Variants in CSMD3 observed in about 807,000 individuals in gnomAD.
CSMD3 encodes CUB and sushi domain-containing protein 3.
Under a neutral mutation model 435.2 loss-of-function variants are expected in CSMD3, and 177 were observed. The ratio of observed to expected loss-of-function variants is 0.41; its 90% CI spans 0.36 to 0.46. The LOEUF is 0.46. Among genes scored for constraint, CSMD3 ranks in the 20% least tolerant of loss-of-function variants. CSMD3 has a pLI of 0.34. For missense variants in CSMD3, 4,265 were observed against 4,504.6 expected, an observed-to-expected ratio of 0.95 and a Z score of 1.52; for synonymous variants, 1,656 against 1,520.5, an observed-to-expected ratio of 1.09 and a Z score of -2.07.
At chr8:112,941,713 T>G (rs1315144334) in intron 9 of CSMD3, among the ~76,000 whole-genome samples, 1 of 151,772 alleles carries the variant, frequency 6.6e-6, no homozygotes, top group African/African-American at 2.4e-5. Context: ...AACATGTGTA[T>G]ATGTGGATAT....
intron 1 of CSMD3, among the ~76,000 whole-genome samples, chr8:113,366,919 A>G (rs752232582): frequency 6.6e-6 from 1 of 152,096 alleles, no homozygotes; most frequent in Non-Finnish European, 1.5e-5. Flanking sequence ...TCTTTTCTCT[A>G]TAGTATTTAA....
At chr8:112,752,389 C>A (rs1308911284) in intron 13 of CSMD3, among the ~76,000 whole-genome samples, 2 of 152,136 alleles carry the variant, frequency 1.3e-5, no homozygotes, top group Non-Finnish European at 2.9e-5. Context: ...GAACAACCCC[C>A]AAATTTTTGT....
At chr8:112,852,723 C>G (rs2080527827) in intron 11 of CSMD3, among the ~76,000 whole-genome samples, 1 of 151,968 alleles carries the variant, frequency 6.6e-6, no homozygotes, top group Admixed American at 6.6e-5. Flanking sequence ...GAGATTGAGA[C>G]CATCCTGGCT....
chr8:112,301,730 A>T, intron 53 of CSMD3, 63 bp downstream of exon 53: 1 of 1,197,116 alleles, frequency 8.4e-7, no homozygotes, highest in Non-Finnish European at 1.2e-6. Context: ...GGAAAAAGAG[A>T]TGCCTCTTTT....
intron 17 of CSMD3, among the ~76,000 whole-genome samples, chr8:112,665,636 G>A (rs2075503122): frequency 6.6e-6 from 1 of 152,050 alleles, no homozygotes; most frequent in Admixed American, 6.6e-5. Flanking sequence ...AGAAGTCAAT[G>A]ATATAACTGA....
chr8:112,489,624 A>C (rs1417872406), intron 31 of CSMD3, among the ~76,000 whole-genome samples: 2 of 152,200 alleles, frequency 1.3e-5, no homozygotes, highest in African/African-American at 4.8e-5. Flanking sequence ...AACCTTGCAA[A>C]TTACACAATA....
intron 4 of CSMD3, among the ~76,000 whole-genome samples, chr8:113,105,919 G>C (rs79866446): frequency 1.3e-5 from 2 of 151,772 alleles, no homozygotes; most frequent in Admixed American, 1.3e-4. Context: ...TAAACATAAA[G>C]ATGTGACTCA....
At chr8:113,253,567 C>T (rs979618832) in intron 3 of CSMD3, among the ~76,000 whole-genome samples, 2 of 151,868 alleles carry the variant, frequency 1.3e-5, no homozygotes, top group African/African-American at 2.4e-5. Flanking sequence ...CTTGGCTGGG[C>T]GTGGTGGCTC....
chr8:113,388,956 G>A (rs529379809), intron 1 of CSMD3, among the ~76,000 whole-genome samples: 1 of 151,622 alleles, frequency 6.6e-6, no homozygotes, highest in South Asian at 2.1e-4. Context: ...AGTTACAGAT[G>A]CTTTTGAGGA....
chr8:112,783,795 C>A (rs1431497120), intron 13 of CSMD3, among the ~76,000 whole-genome samples: 1 of 150,936 alleles, frequency 6.6e-6, no homozygotes, highest in South Asian at 2.1e-4. Flanking sequence ...AGTGGCTATA[C>A]TTATATCAGA....
chr8:112,529,438 A>G (rs1479666622), intron 27 of CSMD3, among the ~76,000 whole-genome samples: 1 of 152,094 alleles, frequency 6.6e-6, no homozygotes. Flanking sequence ...AAGTACAAAA[A>G]TTAGCCAGCA....
Position 112,406,705 on chromosome 8 carries a change from T to C in CSMD3, c.5628A>G (p.Thr1876=), listed in dbSNP as rs199756128. 23 of 1,604,520 alleles carry C rather than the reference T, an allele frequency of 1.4e-5. No individual in the cohort carries two copies. In the South Asian group the frequency reaches 1.7e-4, roughly 12 times the overall value. Residue 1876 remains threonine, a synonymous_variant, in exon 35 of 71, where the codon ACA becomes ACG. Transcript: ENST00000297405. The part of the protein sequence containing the change: ...VYQAVPRTSS[T]QCSSVPEPRF... ...TTGGTTCAGGCACAGAACTGCATTG[T>C]GTAGAACTTGTTCTAGGAACAGCTG...
At chr8:112,384,845 A>G (rs1355942188) in intron 36 of CSMD3, among the ~76,000 whole-genome samples, 1 of 152,214 alleles carries the variant, frequency 6.6e-6, no homozygotes, top group East Asian at 1.9e-4. Flanking sequence ...ACAATTATCA[A>G]TTCCCTCTTC....
At chr8:113,222,878 A>G (rs892191432) in intron 3 of CSMD3, among the ~76,000 whole-genome samples, 3 of 150,826 alleles carry the variant, frequency 2.0e-5, no homozygotes, top group African/African-American at 7.3e-5. Context: ...GCATTTCTGA[A>G]TTTTCACATG....
At chr8:112,821,801 T>C (rs2079538107) in intron 12 of CSMD3, among the ~76,000 whole-genome samples, 2 of 152,222 alleles carry the variant, frequency 1.3e-5, no homozygotes, top group Admixed American at 1.3e-4. Context: ...TTTAAGTCTT[T>C]AATCCATCTT....
chr8:112,573,942 A>G (rs1403000411), intron 23 of CSMD3, among the ~76,000 whole-genome samples: 2 of 151,878 alleles, frequency 1.3e-5, no homozygotes, highest in East Asian at 1.9e-4. Flanking sequence ...CTGGGAGACA[A>G]TTTAAAATTA....
chr8:113,065,250 ATTAGT>A lies in CSMD3; in HGVS notation c.917+33501_917+33505del, dbSNP rs1435466555. ...GTGACAAAAAAATACAAAACAAAAT[ATTAGT>A]TTAGAGAAGACGTACCTTGCTATTT... On this transcript the variant is annotated intron_variant, in intron 5 of 70. Coordinates refer to ENST00000297405, the MANE Select transcript of CSMD3 (RefSeq NM_198123.2). Among the ~76,000 whole-genome samples, 12 of 152,318 alleles carry A rather than the reference ATTAGT, an allele frequency of 7.9e-5. No individual in the cohort carries two copies. The East Asian group carries it at 2.3e-3, about 29-fold the overall frequency.
chr8:112,507,085 T>G (rs919244407), intron 28 of CSMD3, among the ~76,000 whole-genome samples: 7 of 152,102 alleles, frequency 4.6e-5, no homozygotes, highest in African/African-American at 1.7e-4. Context: ...GCATATATAC[T>G]TTTCTGTCTT....
At chr8:113,326,975 C>T (rs2093988527) in intron 1 of CSMD3, among the ~76,000 whole-genome samples, 1 of 151,948 alleles carries the variant, frequency 6.6e-6, no homozygotes, top group Non-Finnish European at 1.5e-5. Flanking sequence ...TTAGGTTGTA[C>T]CTAAGTTTGA....
Sources: allele counts gnomAD v4.1 joint callset (sites outside exome capture counted in the v4.1 genomes callset), GRCh38; gene constraint gnomAD v4.1.1; transcripts MANE v1.5; gene names NCBI Gene and HGNC (gene_info 2026-07-23, HGNC 2026-07-21).